RBM47: variants seen among roughly 807,000 people sequenced by gnomAD.
RBM47 encodes the protein RNA-binding protein 47.
In RBM47, 21 loss-of-function variants were observed where a neutral mutation model predicts 47.1. The observed-to-expected ratio is 0.45, with a 90% CI of 0.32 to 0.64. The LOEUF (loss-of-function observed/expected upper bound fraction) is 0.64, where lower values mean the gene tolerates loss of function less well. Ranked by LOEUF, RBM47 falls within the 30% of genes least tolerant of loss-of-function variation. The pLI is 0.05. For missense variants in RBM47, 708 were observed against 870.9 expected, an observed-to-expected ratio of 0.81 and a Z score of 2.35; for synonymous variants, 375 against 361.7, an observed-to-expected ratio of 1.04 and a Z score of -0.42.
chr4:40,433,879 G>T (rs1386312764), intron 5 of RBM47, among the ~76,000 whole-genome samples: 1 of 151,928 alleles, frequency 6.6e-6, no homozygotes, highest in Non-Finnish European at 1.5e-5. Context: ...TGCAAGTAAA[G>T]TCCAAAATTA....
intron 2 of RBM47, among the ~76,000 whole-genome samples, chr4:40,479,975 A>ATTTTT (rs71647000): frequency 1.7e-5 from 2 of 117,292 alleles, no homozygotes; most frequent in African/African-American, 3.3e-5. Context: ...TATCATCTCC[A>ATTTTT]TTTTTTTTTT....
At position 40,423,676 on chromosome 4, in the gene RBM47, CTT is replaced by C. The variant is rs1166039094; in HGVS notation, c.*2226_*2227del. 2.0e-5 allele frequency: 2 copies of C among 100,722 alleles called. No individual in the cohort carries two copies. Among genetic ancestry groups the C allele is most frequent in the African/African-American group, 1.1e-4 (2 of 18,674 alleles). The allele number at this position is 100,722 out of a possible 1,614,324, so 6.2% of individuals were successfully genotyped here. A position where few individuals can be genotyped will look rare whatever the true frequency, so the allele number is the denominator to read the frequency against. On this transcript the variant is annotated 3_prime_UTR_variant, in exon 7 of 7. Coordinates refer to ENST00000295971, the MANE Select transcript of RBM47 (RefSeq NM_001098634.2). ...TTTTTCTTTCTTTCTTTCTTTCTTTCTTTCTTTCTTTCTTTCTTTCTTTCTTT... is the reference window on the plus strand; with the variant it reads ...TTTTTCTTTCTTTCTTTCTTTCTTTCTCTTTCTTTCTTTCTTTCTTTCTTT...
At chr4:40,464,590 G>A (rs1717675863) in intron 3 of RBM47, among the ~76,000 whole-genome samples, 2 of 152,016 alleles carry the variant, frequency 1.3e-5, no homozygotes, top group Admixed American at 6.6e-5. Context: ...GATGGGGGCT[G>A]ACTACTGTAT....
chr4:40,438,912 A>T lies in RBM47; in HGVS notation c.-19T>A, dbSNP rs774201291. 2.0e-6 allele frequency: 3 copies of T among 1,515,326 alleles called. No individual in the cohort carries two copies. The South Asian group carries it at 3.6e-5, about 18-fold the overall frequency. 93.9% of individuals were successfully genotyped at this position (1,515,326 alleles called of 1,614,324 possible). A position where few individuals can be genotyped will look rare whatever the true frequency, so the allele number is the denominator to read the frequency against. ...CGGTCATAATGTCAAAGGCATCCACAGCTGGCGGAAACCTGGGGAAGCAGA... is the reference window on the plus strand; with the variant it reads ...CGGTCATAATGTCAAAGGCATCCACTGCTGGCGGAAACCTGGGGAAGCAGA... On this transcript the variant is annotated 5_prime_UTR_variant, in exon 4 of 7. Transcript: ENST00000295971.
At chr4:40,577,351 T>C (rs1426966775) in intron 1 of RBM47, among the ~76,000 whole-genome samples, 1 of 152,068 alleles carries the variant, frequency 6.6e-6, no homozygotes, top group African/African-American at 2.4e-5. Flanking sequence ...AACTGGGAAA[T>C]GCCTGCTCAT....
intron 1 of RBM47, among the ~76,000 whole-genome samples, chr4:40,576,254 TTTGG>T (rs1560480936): frequency 7.2e-5 from 5 of 69,798 alleles, no homozygotes; most frequent in East Asian, 2.8e-4. Flanking sequence ...TTTTTTTTTT[TTTGG>T]GGGGGGGCGG....
intron 3 of RBM47, among the ~76,000 whole-genome samples, chr4:40,464,575 C>A (rs941363851): frequency 1.4e-4 from 21 of 151,916 alleles, no homozygotes; most frequent in African/African-American, 4.6e-4. Flanking sequence ...AAAAGTGAAA[C>A]TGCAGATGGG....
chr4:40,451,858 C>G (rs1293198712), intron 3 of RBM47, among the ~76,000 whole-genome samples: 1 of 152,124 alleles, frequency 6.6e-6, no homozygotes, highest in Non-Finnish European at 1.5e-5. Context: ...AGTTCACAGT[C>G]TGGCAAGGGT....
intron 1 of RBM47, among the ~76,000 whole-genome samples, chr4:40,569,044 CAGACAGATAGAT>C (rs1165852854): frequency 3.3e-5 from 5 of 149,688 alleles, no homozygotes; most frequent in Non-Finnish European, 7.4e-5. Context: ...GACAGACAGA[CAGACAGATAGAT>C]AGATAGTATA....
rs1714519533 is a variant in RBM47 at position 40,446,332 on chromosome 4, T to C, written c.-31-7408A>G. On this transcript the variant is annotated intron_variant, in intron 3 of 6. Coordinates refer to ENST00000295971, the MANE Select transcript of RBM47 (RefSeq NM_001098634.2). ...AGCATCAGAGCTGGTGTGTGAACCC[T>C]GGGAGTCTGATTTTCATCATAGGGC... 2.0e-5 allele frequency among the ~76,000 whole-genome samples: 3 copies of C among 152,158 alleles called. No individual in the cohort carries two copies. The South Asian group carries it at 6.2e-4, about 32-fold the overall frequency.
chr4:40,479,519 G>C (rs1019740825), intron 2 of RBM47, among the ~76,000 whole-genome samples: 1 of 152,082 alleles, frequency 6.6e-6, no homozygotes, highest in African/African-American at 2.4e-5. Context: ...GTTTGAGCCT[G>C]GGAGGTTGAG....
At chr4:40,494,592 A>G (rs76268947) in intron 2 of RBM47, among the ~76,000 whole-genome samples, 2,380 of 152,286 alleles carry the variant, frequency 0.016, 61 homozygotes, top group African/African-American at 0.053. Flanking sequence ...TTCCTAAATC[A>G]GAGATCAACA....
At chr4:40,516,795 G>T (rs1725631074) in intron 2 of RBM47, among the ~76,000 whole-genome samples, 1 of 152,094 alleles carries the variant, frequency 6.6e-6, no homozygotes, top group Non-Finnish European at 1.5e-5. Flanking sequence ...GAGCCGTAAG[G>T]CCCCACCTGG....
At chr4:40,611,566 CA>C (rs35477494) in intron 1 of RBM47, among the ~76,000 whole-genome samples, 53,165 of 145,442 alleles carry the variant, frequency 0.37, 9,542 homozygotes, top group Admixed American at 0.38. Flanking sequence ...ACTAAAAATA[CA>C]AAAAAAAAAA....
chr4:40,492,264 G>A (rs933252170), intron 2 of RBM47, among the ~76,000 whole-genome samples: 4 of 152,008 alleles, frequency 2.6e-5, no homozygotes, highest in Admixed American at 1.3e-4. Context: ...CAGCTACTTC[G>A]GAGGCTGAGG....
chr4:40,487,963 T>A (rs1378860958), intron 2 of RBM47, among the ~76,000 whole-genome samples: 1 of 152,108 alleles, frequency 6.6e-6, no homozygotes, highest in Non-Finnish European at 1.5e-5. Context: ...GCACATCCTT[T>A]CTGTTCTTTA....
chr4:40,592,447 A>T lies in RBM47; in HGVS notation c.-240+36949T>A, dbSNP rs1436754710. Among the ~76,000 whole-genome samples, 7 of 144,860 alleles carry T rather than the reference A, an allele frequency of 4.8e-5. No individual in the cohort carries two copies. In the Admixed American group the frequency reaches 4.9e-4, roughly 10 times the overall value. On this transcript the variant is annotated intron_variant, in intron 1 of 6. Coordinates refer to ENST00000295971, the MANE Select transcript of RBM47 (RefSeq NM_001098634.2). ...TTTTCTTTTTTTTTTTTTTTAAGAC[A>T]GAGTTTCGCTCTTGTTGCCCAGGCT...
intron 2 of RBM47, among the ~76,000 whole-genome samples, chr4:40,474,308 C>T (rs1164603950): frequency 6.6e-6 from 1 of 152,112 alleles, no homozygotes; most frequent in Non-Finnish European, 1.5e-5. Context: ...GGCTAGCAAG[C>T]GTTCTCCATC....
chr4:40,497,511 C>T (rs754024203), intron 2 of RBM47, among the ~76,000 whole-genome samples: 4 of 151,584 alleles, frequency 2.6e-5, no homozygotes, highest in African/African-American at 7.3e-5. Context: ...TCCAGCTACT[C>T]GGGAGGCTGA....
Sources: allele counts gnomAD v4.1 joint callset (sites outside exome capture counted in the v4.1 genomes callset), GRCh38; gene constraint gnomAD v4.1.1; transcripts MANE v1.5; gene names NCBI Gene and HGNC (gene_info 2026-07-23, HGNC 2026-07-21).